The following GABRR1 variants were observed in gnomAD, a reference collection of about 807,000 sequenced individuals.
The protein encoded by GABRR1 is gamma-aminobutyric acid type A receptor subunit rho1.
GABRR1 carries 59 observed loss-of-function variants against 55.5 expected under a neutral mutation model. The ratio of observed to expected loss-of-function variants is 1.06; its 90% CI spans 0.86 to 1.32. GABRR1 has a LOEUF of 1.32. GABRR1 is among the 40% of genes most tolerant of loss of function. The pLI is 0.00. For synonymous variants in GABRR1, 213 were observed against 226.0 expected (o/e 0.94, Z 0.51); for missense variants, 602 against 619.1 (o/e 0.97, Z 0.29).
Position 89,180,250 on chromosome 6 carries a change from G to T in GABRR1, c.1146+42C>A, listed in dbSNP as rs114602567. The stretch of plus-strand genomic sequence containing the variant: ...GCCTGAGGTTCCAGAGCTAGATCAG[G>T]TTCCATCCTGACCAGACACTATAAG... On this transcript the variant is annotated intron_variant, in intron 9 of 9. Transcript: ENST00000454853. 1,287 of 1,591,186 alleles carry T rather than the reference G, an allele frequency of 8.1e-4. 9 individuals carry two copies. The African/African-American group carries it at 0.015, about 19-fold the overall frequency.
intron 1 of GABRR1, among the ~76,000 whole-genome samples, chr6:89,206,914 G>A (rs960797090): frequency 1.4e-4 from 21 of 152,078 alleles, no homozygotes; most frequent in African/African-American, 4.3e-4. Flanking sequence ...CACCATGCCC[G>A]GCCTCTACGT....
At chr6:89,221,576 GTAGGT>G (rs1773115773), upstream of GABRR1, 1 of 152,204 alleles carries the variant, frequency 6.6e-6, no homozygotes, top group Non-Finnish European at 1.5e-5. Flanking sequence ...GAGAATGTGT[GTAGGT>G]TATATGCAAA....
intron 1 of GABRR1, among the ~76,000 whole-genome samples, chr6:89,230,891 A>G (rs1773276282): frequency 2.0e-5 from 3 of 149,008 alleles, no homozygotes; most frequent in African/African-American, 7.5e-5. Context: ...TTGATCTCAG[A>G]GTGCTGTGCT....
upstream of GABRR1, chr6:89,217,536 G>C (rs1773026855): frequency 4.4e-6 from 2 of 453,792 alleles, no homozygotes; most frequent in Admixed American, 3.9e-5. Context: ...GGGATTTTCT[G>C]AACTGAGGTT....
upstream of GABRR1, among the ~76,000 whole-genome samples, chr6:89,219,689 G>A (rs775106284): frequency 2.6e-5 from 4 of 152,126 alleles, no homozygotes; most frequent in Non-Finnish European, 4.4e-5. Flanking sequence ...ATGTTAACAC[G>A]TAGCAAACTG....
At chr6:89,221,817 G>A (rs981382740), upstream of GABRR1, among the ~76,000 whole-genome samples, 6 of 152,104 alleles carry the variant, frequency 3.9e-5, no homozygotes, top group African/African-American at 7.2e-5. Context: ...ACAATGACCC[G>A]AAGAGCCATT....
intron 8 of GABRR1, among the ~76,000 whole-genome samples, chr6:89,181,513 C>G (rs1207372502): frequency 1.3e-5 from 2 of 152,142 alleles, no homozygotes; most frequent in Non-Finnish European, 2.9e-5. Context: ...AGATGAGACC[C>G]AGGACCCTTC....
intron 3 of GABRR1, among the ~76,000 whole-genome samples, chr6:89,200,583 T>C (rs1772436218): frequency 1.1e-5 from 1 of 87,198 alleles, no homozygotes; most frequent in Non-Finnish European, 2.6e-5. Context: ...TTAAAATGAG[T>C]ATTTTTTTTT....
rs368453912 is a variant in GABRR1 at position 89,180,277 on chromosome 6, G to A, written c.1146+15C>T. The A allele has an allele frequency of 5.6e-6, 9 of 1,611,764 alleles. No homozygotes were observed. The highest frequency in any genetic ancestry group is 7.6e-6 in the Non-Finnish European group (9 of 1,179,038). Reference sequence around the variant, plus strand: ...TCCATCCTGACCAGACACTATAAGCGCATGGCAAAGTCACCTTCTCCCGCA... The same window carrying A: ...TCCATCCTGACCAGACACTATAAGCACATGGCAAAGTCACCTTCTCCCGCA... On this transcript the variant is annotated intron_variant, in intron 9 of 9. Transcript: ENST00000454853.
rs1772462921 is a variant in GABRR1 at position 89,201,261 on chromosome 6, T to C, written c.178A>G (p.Ile60Val). The C allele has an allele frequency of 1.9e-6, 3 of 1,612,978 alleles. No individual in the cohort carries two copies. Among genetic ancestry groups the C allele is most frequent in the South Asian group, 2.2e-5 (2 of 91,018 alleles). ...HEDAHKQVSP[I>V]LRRSPDITKS... ...GTGATGTCAGGACTTCGTCTCAGAA[T>C]TGGGCTGCCAAGGGGGAAGAAACCA... Residue 60 changes from isoleucine to valine, a missense_variant, in exon 3 of 10, where the codon ATT (isoleucine) becomes GTT (valine). Around this residue, in one of 3 missense-constraint regions of GABRR1, gnomAD observed 435 missense variants for 424.2 expected, o/e 1.03. Transcript: ENST00000454853.
intron 1 of GABRR1, among the ~76,000 whole-genome samples, chr6:89,222,597 T>C (rs1163666680): frequency 6.6e-6 from 1 of 152,154 alleles, no homozygotes; most frequent in Non-Finnish European, 1.5e-5. Context: ...GATCTTGAGG[T>C]TTTTTAATGC....
In GABRR1 at chr6:89,217,347, C is replaced by T. The variant is rs1773019946; in HGVS notation, c.-25G>A. 1 of 1,612,806 alleles carries T rather than the reference C, an allele frequency of 6.2e-7. No individual in the cohort carries two copies. The highest frequency in any genetic ancestry group is 8.5e-7 in the Non-Finnish European group (1 of 1,179,406). ...TGGGTTTCCAAATTCAAACAGCTCT[C>T]TCCAGAAACAGCAAAAAGGAAAAGA... On this transcript the variant is annotated 5_prime_UTR_variant, in exon 1 of 10. Transcript: ENST00000454853.
At chr6:89,194,765 C>A (rs1430258093) in intron 5 of GABRR1, among the ~76,000 whole-genome samples, 1 of 152,108 alleles carries the variant, frequency 6.6e-6, no homozygotes, top group South Asian at 2.1e-4. Flanking sequence ...AGGCTCTCAA[C>A]AGCAGGATGA....
chr6:89,190,258 A>G lies in GABRR1; in HGVS notation c.573-11T>C. On this transcript the variant is annotated splice_polypyrimidine_tract_variant and intron_variant, in intron 5 of 9. Transcript: ENST00000454853. Reference sequence around the variant, plus strand: ...GCAGTTACTGTAACCCTAGGGCCAAAAAGACAAAATTGATTTATTCAGAGC... The same window carrying G: ...GCAGTTACTGTAACCCTAGGGCCAAGAAGACAAAATTGATTTATTCAGAGC... 1 of 1,593,520 alleles carries G rather than the reference A, an allele frequency of 6.3e-7. No homozygotes were observed. The highest frequency in any genetic ancestry group is 8.5e-7 in the Non-Finnish European group (1 of 1,170,098).
chr6:89,209,122 A>C (rs1222080207), intron 1 of GABRR1, among the ~76,000 whole-genome samples: 1 of 151,778 alleles, frequency 6.6e-6, no homozygotes. Context: ...CTTAGATAAA[A>C]TCTCAGCCTA....
chr6:89,218,206 A>G (rs760282584), upstream of GABRR1, among the ~76,000 whole-genome samples: 3 of 152,216 alleles, frequency 2.0e-5, no homozygotes, highest in Non-Finnish European at 2.9e-5. Flanking sequence ...CTGAGCTGAC[A>G]TGGTTTTGGT....
chr6:89,186,782 C>A (rs955706988), intron 6 of GABRR1, among the ~76,000 whole-genome samples: 1 of 152,164 alleles, frequency 6.6e-6, no homozygotes. Flanking sequence ...GGTTGAATGA[C>A]AAGGCAGAGG....
intron 1 of GABRR1, among the ~76,000 whole-genome samples, chr6:89,211,294 A>G (rs1220552625): frequency 1.3e-5 from 2 of 152,084 alleles, no homozygotes; most frequent in Non-Finnish European, 2.9e-5. Context: ...ATTTGACAGC[A>G]ACTCCTCATG....
At chr6:89,202,448 C>A (rs373714216) in intron 2 of GABRR1, among the ~76,000 whole-genome samples, 2 of 151,922 alleles carry the variant, frequency 1.3e-5, no homozygotes. Context: ...CCTGCCACCA[C>A]GCCTGGCTAA....
Sources: allele counts gnomAD v4.1 joint callset (sites outside exome capture counted in the v4.1 genomes callset), GRCh38; gene constraint gnomAD v4.1.1; regional missense constraint gnomAD v4.1.1; transcripts MANE v1.5; gene names NCBI Gene and HGNC (gene_info 2026-07-23, HGNC 2026-07-21).